Variants in PCDHGB2 observed in about 807,000 individuals in gnomAD.
The protein encoded by PCDHGB2 is protocadherin gamma subfamily B, 2.
Under a neutral mutation model 59.3 loss-of-function variants are expected in PCDHGB2, and 55 were observed. The ratio of observed to expected loss-of-function variants is 0.93; its 90% confidence interval spans 0.75 to 1.16. The LOEUF (loss-of-function observed/expected upper bound fraction) is 1.16, where lower values mean the gene tolerates loss of function less well. Among genes scored for constraint, PCDHGB2 ranks in the 50% most tolerant of loss-of-function variants. The probability of loss-of-function intolerance (pLI) is 0.00; values close to 1 mark genes in which losing one functional copy is unlikely to be tolerated. For missense variants in PCDHGB2, 1,228 were observed against 1,198.5 expected, an observed-to-expected ratio of 1.02 and a Z score of -0.36; for synonymous variants, 516 against 512.0, an observed-to-expected ratio of 1.01 and a Z score of -0.11.
rs758957504 is a variant in PCDHGB2, at chr5:141,361,021, G to GA, written c.892dup (p.Thr298AsnfsTer9). The stretch of plus-strand genomic sequence containing the variant: ...AGTGAAACACTTTTTCAACTTAAAT[G>GA]AAAAAACAGGAGAAATCACGACAAA... On this transcript the variant is annotated frameshift_variant, in exon 1 of 4. Transcript: ENST00000522605. LOFTEE classifies it high-confidence loss of function. The GA allele has an allele frequency of 1.2e-5, 19 of 1,612,934 alleles. No homozygotes were observed. The highest frequency in any genetic ancestry group is 6.7e-5 in the Admixed American group (4 of 59,776).
intron 1 of PCDHGB2, chr5:141,389,008 G>C (rs1264850198): frequency 6.2e-7 from 1 of 1,613,992 alleles, no homozygotes; most frequent in Admixed American, 1.7e-5. Context: ...AAGGATTCCA[G>C]ACACAATGGA....
chr5:141,437,800 C>G (rs963856257), intron 1 of PCDHGB2, among the ~76,000 whole-genome samples: 1 of 150,744 alleles, frequency 6.6e-6, no homozygotes, highest in African/African-American at 2.4e-5. Flanking sequence ...TGCAGTGGCA[C>G]TATCTTGGCT....
chr5:141,469,476 G>A (rs2154570344), intron 1 of PCDHGB2, among the ~76,000 whole-genome samples: 1 of 152,246 alleles, frequency 6.6e-6, no homozygotes, highest in South Asian at 2.1e-4. Context: ...TCGGGAGGCT[G>A]AGGCAGGAGA....
chr5:141,486,985 T>C lies in PCDHGB2; in HGVS notation c.2422-7822T>C. On this transcript the variant is annotated intron_variant, in intron 1 of 3. Coordinates refer to ENST00000522605, the MANE Select transcript of PCDHGB2 (RefSeq NM_018923.3). The surrounding 1 kb of genome is among the most constrained non-coding windows in gnomAD (Gnocchi z 5.0). ...TGGACTTGGATTCAGGTTACAATGC[T>C]TGGGTTTCCTATCAGCTCCTGGAGG... 1 of 1,614,208 alleles carries C rather than the reference T, an allele frequency of 6.2e-7. No individual in the cohort carries two copies. The highest frequency in any genetic ancestry group is 8.5e-7 in the Non-Finnish European group (1 of 1,180,040).
chr5:141,487,355 G>A lies in PCDHGB2; in HGVS notation c.2422-7452G>A. ...AGCCTGTGGAGTCACATGCTTTCCT[G>A]CTGGCACCTGTGCCTGTCTCACCAG... On this transcript the variant is annotated intron_variant, in intron 1 of 3. Coordinates refer to ENST00000522605, the MANE Select transcript of PCDHGB2 (RefSeq NM_018923.3). This position sits in a 1 kb window ranked among gnomAD's most constrained non-coding sequence, Gnocchi z 5.0. 1 of 1,614,150 alleles carries A rather than the reference G, an allele frequency of 6.2e-7. No homozygotes were observed. Among genetic ancestry groups the A allele is most frequent in the South Asian group, 1.1e-5 (1 of 91,090 alleles).
chr5:141,479,616 C>A (rs1371541860), intron 1 of PCDHGB2: 2 of 152,232 alleles, frequency 1.3e-5, no homozygotes, highest in African/African-American at 4.8e-5. Flanking sequence ...TATAGGGAAA[C>A]CATGTCTCTT....
intron 1 of PCDHGB2, chr5:141,374,279 A>G: frequency 6.2e-7 from 1 of 1,614,000 alleles, no homozygotes; most frequent in Non-Finnish European, 8.5e-7. Context: ...CGGAGTCCGC[A>G]TCGTCTCCAG....
chr5:141,484,266 T>G (rs2099593967), intron 1 of PCDHGB2, among the ~76,000 whole-genome samples: 1 of 152,220 alleles, frequency 6.6e-6, no homozygotes, highest in Non-Finnish European at 1.5e-5. Flanking sequence ...ACACTGATTC[T>G]TTACTGTTTT....
chr5:141,383,833 A>T (rs1264167021), intron 1 of PCDHGB2: 2 of 1,613,926 alleles, frequency 1.2e-6, no homozygotes, highest in Non-Finnish European at 1.7e-6. Flanking sequence ...TTATGAAGAA[A>T]CTGCCTTCTA....
At chr5:141,457,929 C>T (rs1207409757) in intron 1 of PCDHGB2, among the ~76,000 whole-genome samples, 2 of 152,194 alleles carry the variant, frequency 1.3e-5, no homozygotes, top group Non-Finnish European at 2.9e-5. Context: ...CCCCAAGGGG[C>T]TTTTATTGGC....
chr5:141,441,126 C>A (rs1319809408), intron 1 of PCDHGB2: 2 of 152,062 alleles, frequency 1.3e-5, no homozygotes, highest in Admixed American at 1.3e-4. Context: ...CAGTTGAGAC[C>A]GAATTTCTAG....
intron 1 of PCDHGB2, chr5:141,415,357 C>T: frequency 6.2e-7 from 1 of 1,614,250 alleles, no homozygotes; most frequent in Non-Finnish European, 8.5e-7. Context: ...CAAGTCACGC[C>T]TGCTGCAGGC....
At chr5:141,439,445 G>A (rs1030957687) in intron 1 of PCDHGB2, among the ~76,000 whole-genome samples, 5 of 152,102 alleles carry the variant, frequency 3.3e-5, no homozygotes, top group African/African-American at 4.8e-5. Flanking sequence ...ATTTTATTGC[G>A]GGAGCAAGAC....
intron 1 of PCDHGB2, chr5:141,421,690 C>T: frequency 6.2e-7 from 1 of 1,613,948 alleles, no homozygotes. Context: ...GCGATTTGCT[C>T]TTCCTAATGC....
intron 1 of PCDHGB2, chr5:141,414,147 A>G: frequency 6.3e-7 from 1 of 1,599,090 alleles, no homozygotes; most frequent in Non-Finnish European, 8.5e-7. Flanking sequence ...TAGAAATACA[A>G]GCAGAAGATG....
intron 1 of PCDHGB2, chr5:141,389,817 C>G: frequency 1.2e-6 from 2 of 1,613,870 alleles, no homozygotes; most frequent in Non-Finnish European, 1.7e-6. Context: ...GGTCGCCGTG[C>G]GTGACGGTGG....
intron 1 of PCDHGB2, chr5:141,399,510 C>T: frequency 6.2e-7 from 1 of 1,614,040 alleles, no homozygotes; most frequent in Non-Finnish European, 8.5e-7. Context: ...CCGAAAACAA[C>T]CCTCCTGGGG....
chr5:141,378,136 C>T (rs1774655700), intron 1 of PCDHGB2: 1 of 152,158 alleles, frequency 6.6e-6, no homozygotes, highest in Admixed American at 6.5e-5. Context: ...TTGACATCAC[C>T]ATTATTATAA....
chr5:141,503,392 C>T lies in PCDHGB2; in HGVS notation c.2481-2001C>T, dbSNP rs554732406. 1.2e-4 allele frequency among the ~76,000 whole-genome samples: 18 copies of T among 151,870 alleles called. No individual in the cohort carries two copies. The South Asian group carries it at 3.5e-3, about 30-fold the overall frequency. On this transcript the variant is annotated intron_variant, in intron 2 of 3. Transcript: ENST00000522605. ...CAGGTGGATCATGAGGTCAGGAGTT[C>T]GAAACCAACCTGGCCAATATGGTGA...
Sources: gnomAD v4.1 joint callset for allele counts (sites outside exome capture counted in the v4.1 genomes callset) on GRCh38, gnomAD v4.1.1 for gene constraint, Gnocchi (gnomAD v3.1) non-coding constraint, MANE v1.5 for transcripts, NCBI Gene and HGNC (gene_info 2026-07-23, HGNC 2026-07-21) for gene names.